The following RFX3 variants were observed in gnomAD, a reference collection of about 807,000 sequenced individuals.
RFX3 encodes transcription factor RFX3.
In RFX3, 14 loss-of-function variants were observed where a neutral mutation model predicts 98.6. The ratio of observed to expected loss-of-function variants is 0.14; its 90% CI spans 0.09 to 0.22. The LOEUF is 0.22. RFX3 is among the 10% of genes least tolerant of loss of function. The pLI, the probability that RFX3 is intolerant of heterozygous loss-of-function variation, is 1.00. For synonymous variants in RFX3, 383 were observed against 328.4 expected, an observed-to-expected ratio of 1.17 and a Z score of -1.80; for missense variants, 639 against 926.9, an observed-to-expected ratio of 0.69 and a Z score of 4.03.
At chr9:3,492,828 T>C (rs1411826581) in intron 1 of RFX3, among the ~76,000 whole-genome samples, 1 of 152,166 alleles carries the variant, frequency 6.6e-6, no homozygotes, top group Non-Finnish European at 1.5e-5. Flanking sequence ...CTGGTCAAGT[T>C]AGGAGGTCAG....
At chr9:3,292,760 ATG>A (rs1378360667) in intron 6 of RFX3, among the ~76,000 whole-genome samples, 1 of 151,820 alleles carries the variant, frequency 6.6e-6, no homozygotes, top group African/African-American at 2.4e-5. Flanking sequence ...GTGTGTGTGT[ATG>A]TGTTTGTGTG....
intron 2 of RFX3, among the ~76,000 whole-genome samples, chr9:3,370,915 C>A (rs1303120245): frequency 1.3e-5 from 2 of 151,798 alleles, no homozygotes; most frequent in Non-Finnish European, 2.9e-5. Context: ...TGACATATGG[C>A]CACAATAGAA....
At chr9:3,503,219 G>C (rs543146836) in intron 1 of RFX3, among the ~76,000 whole-genome samples, 3 of 152,042 alleles carry the variant, frequency 2.0e-5, no homozygotes, top group Non-Finnish European at 4.4e-5. Context: ...ATAAATGCCT[G>C]GGCATATTTG....
chr9:3,271,196 AT>A lies in RFX3; in HGVS notation c.1087-79del. 2.3e-5 allele frequency: 29 copies of A among 1,234,278 alleles called. 1 individual carries two copies. The South Asian group carries it at 3.4e-4, about 15-fold the overall frequency. The allele number at this position is 1,234,278 out of a possible 1,614,324, so 76.5% of individuals were successfully genotyped here. On this transcript the variant is annotated intron_variant, in intron 9 of 16. Coordinates refer to ENST00000617270, the MANE Select transcript of RFX3 (RefSeq NM_001282116.2). Reference sequence around the variant, plus strand: ...TGTGAGGACAGTCTAACATGACAAGATTTTATATGGTCAAGTTCTCCCTTGG... The same window carrying A: ...TGTGAGGACAGTCTAACATGACAAGATTTATATGGTCAAGTTCTCCCTTGG...
chr9:3,281,358 GA>G (rs879501035), intron 7 of RFX3, among the ~76,000 whole-genome samples: 2,494 of 141,276 alleles, frequency 0.018, 64 homozygotes, highest in African/African-American at 0.059. Flanking sequence ...GATTTCCATT[GA>G]AAAAAAAAAA....
intron 2 of RFX3, among the ~76,000 whole-genome samples, chr9:3,378,747 G>A (rs143971781): frequency 6.9e-4 from 104 of 151,528 alleles, no homozygotes; most frequent in African/African-American, 2.5e-3. Context: ...GTAGAGATGG[G>A]GTTTCATCAT....
At chr9:3,497,622 T>C (rs939733538) in intron 1 of RFX3, among the ~76,000 whole-genome samples, 2 of 151,832 alleles carry the variant, frequency 1.3e-5, no homozygotes, top group African/African-American at 2.4e-5. Context: ...CAATGGGAAA[T>C]GCCACTGTGG....
At chr9:3,353,334 A>T (rs888429696) in intron 2 of RFX3, among the ~76,000 whole-genome samples, 1 of 152,056 alleles carries the variant, frequency 6.6e-6, no homozygotes, top group African/African-American at 2.4e-5. Flanking sequence ...GTACCCTAAA[A>T]CTTAAAGTAT....
intron 4 of RFX3, among the ~76,000 whole-genome samples, chr9:3,311,471 G>T (rs900144043): frequency 2.0e-5 from 3 of 152,166 alleles, no homozygotes; most frequent in Non-Finnish European, 4.4e-5. Context: ...CATTCAACCA[G>T]GAACAACAAA....
chr9:3,478,847 G>A (rs996026664), intron 1 of RFX3, among the ~76,000 whole-genome samples: 1 of 152,102 alleles, frequency 6.6e-6, no homozygotes, highest in Non-Finnish European at 1.5e-5. Flanking sequence ...CACAGCCTTA[G>A]GCAATTGACA....
At chr9:3,490,351 A>C (rs1850635220) in intron 1 of RFX3, 1 of 978,878 alleles carries the variant, frequency 1.0e-6, no homozygotes, top group African/African-American at 1.8e-5. Flanking sequence ...GTGGCCTAAA[A>C]TATTAAAAGC....
chr9:3,349,555 C>G (rs1023650321), intron 2 of RFX3, among the ~76,000 whole-genome samples: 2 of 152,026 alleles, frequency 1.3e-5, no homozygotes, highest in African/African-American at 4.8e-5. Context: ...TCCTTTCACC[C>G]CTGCTGCTTC....
intron 1 of RFX3, among the ~76,000 whole-genome samples, chr9:3,442,245 G>C (rs755296077): frequency 2.2e-4 from 34 of 151,794 alleles, no homozygotes; most frequent in Non-Finnish European, 4.6e-4. Context: ...GAGTAACCTG[G>C]CTAATATTAC....
At chr9:3,463,878 T>A (rs1847954751) in intron 1 of RFX3, among the ~76,000 whole-genome samples, 1 of 151,898 alleles carries the variant, frequency 6.6e-6, no homozygotes, top group Non-Finnish European at 1.5e-5. Flanking sequence ...GAGGGTGAGG[T>A]GGGAGGATTG....
chr9:3,427,957 C>A (rs1844277623), intron 1 of RFX3, among the ~76,000 whole-genome samples: 1 of 152,042 alleles, frequency 6.6e-6, no homozygotes, highest in South Asian at 2.1e-4. Context: ...CTCAGAGGTG[C>A]CACTGTTTCT....
At chr9:3,344,751 C>G in intron 3 of RFX3, 1 of 669,044 alleles carries the variant, frequency 1.5e-6, no homozygotes, top group East Asian at 2.7e-5. Flanking sequence ...GCAGTGTCTA[C>G]AAAGCCATTT....
At chr9:3,342,579 C>A (rs1834009366) in intron 3 of RFX3, among the ~76,000 whole-genome samples, 1 of 151,920 alleles carries the variant, frequency 6.6e-6, no homozygotes, top group Non-Finnish European at 1.5e-5. Flanking sequence ...AGCATGATGT[C>A]TCTGTTTCCA....
intron 3 of RFX3, among the ~76,000 whole-genome samples, chr9:3,344,055 T>C (rs1834172975): frequency 6.6e-6 from 1 of 152,216 alleles, no homozygotes; most frequent in Non-Finnish European, 1.5e-5. Context: ...ATTCAACTCA[T>C]GTTTACCTAT....
intron 2 of RFX3, among the ~76,000 whole-genome samples, chr9:3,363,139 C>G (rs1836652712): frequency 6.6e-6 from 1 of 152,108 alleles, no homozygotes; most frequent in Non-Finnish European, 1.5e-5. Context: ...TTGGGAAAAG[C>G]ATTTACTAAA....
Sources: allele counts gnomAD v4.1 joint callset (sites outside exome capture counted in the v4.1 genomes callset), GRCh38; gene constraint gnomAD v4.1.1; transcripts MANE v1.5; gene names NCBI Gene and HGNC (gene_info 2026-07-23, HGNC 2026-07-21).